Variants in IL1RAPL2 observed in about 807,000 individuals in gnomAD.
The protein encoded by IL1RAPL2 is X-linked interleukin-1 receptor accessory protein-like 2.
IL1RAPL2 carries 3 observed loss-of-function variants against 44.1 expected under a neutral mutation model. That is an observed-to-expected ratio of 0.07 (90% CI 0.03 to 0.18). The LOEUF (loss-of-function observed/expected upper bound fraction) is 0.18, where lower values mean the gene tolerates loss of function less well. Ranked by LOEUF, IL1RAPL2 falls within the 10% of genes least tolerant of loss-of-function variation. The probability of loss-of-function intolerance (pLI) is 1.00; values close to 1 mark genes in which losing one functional copy is unlikely to be tolerated. For synonymous variants in IL1RAPL2, 181 were observed against 178.8 expected (o/e 1.01, Z -0.10); for missense variants, 391 against 496.4 (o/e 0.79, Z 2.02).
intron 2 of IL1RAPL2, among the ~76,000 whole-genome samples, chrX:104,864,087 A>G (rs1922556493): frequency 8.9e-6 from 1 of 111,931 alleles, no homozygotes; most frequent in South Asian, 3.7e-4. Context: ...CATAATACAG[A>G]GGGCATGTGA....
rs529735599 is a variant in IL1RAPL2, at chrX:104,798,351, G to A, written c.82+139356G>A. ...AAGTGCCCTAAGGATCACAAGCATG[G>A]TCCTGTTTACATTTACAAGCTGATA... is the stretch of plus-strand genomic sequence containing the variant. On this transcript the variant is annotated intron_variant, in intron 2 of 10. Transcript: ENST00000372582. 3.9e-4 allele frequency among the ~76,000 whole-genome samples: 43 copies of A among 110,433 alleles called. No individual in the cohort carries two copies. The South Asian group carries it at 0.017, about 44-fold the overall frequency.
chrX:105,233,786 A>G, intron 3 of IL1RAPL2, 32 bp from the exon 4 acceptor site: 1 of 1,141,702 alleles, frequency 8.8e-7, no homozygotes, highest in Non-Finnish European at 1.2e-6. Flanking sequence ...AACACCCAAT[A>G]AAGCCATTTT....
chrX:105,583,608 A>G (rs143206006), intron 6 of IL1RAPL2, among the ~76,000 whole-genome samples: 1,654 of 111,673 alleles, frequency 0.015, 7 homozygotes, highest in Non-Finnish European at 0.023. Flanking sequence ...CTATGTAGTG[A>G]TATCTCCTCT....
At chrX:104,849,867 CTAA>C (rs1922180019) in intron 2 of IL1RAPL2, among the ~76,000 whole-genome samples, 1 of 110,406 alleles carries the variant, frequency 9.1e-6, no homozygotes, top group Admixed American at 9.7e-5. Context: ...GCTCATTTAC[CTAA>C]GCCAATCTAA....
At chrX:104,943,907 G>C (rs1925271045) in intron 2 of IL1RAPL2, among the ~76,000 whole-genome samples, 1 of 111,970 alleles carries the variant, frequency 8.9e-6, no homozygotes, top group Non-Finnish European at 1.9e-5. Context: ...CATAGCACAG[G>C]ATTAGCACTC....
chrX:104,676,493 T>C (rs1460622706), intron 2 of IL1RAPL2, among the ~76,000 whole-genome samples: 1 of 112,105 alleles, frequency 8.9e-6, no homozygotes, highest in Non-Finnish European at 1.9e-5. Flanking sequence ...GGGCTTCCCT[T>C]TGTGGGCAAC....
chrX:105,342,013 C>T (rs766492409), intron 5 of IL1RAPL2, among the ~76,000 whole-genome samples: 34 of 109,255 alleles, frequency 3.1e-4, no homozygotes, highest in Non-Finnish European at 5.9e-4. Flanking sequence ...TTTGCAGGGA[C>T]ATGGATGAAG....
At chrX:104,637,938 A>G (rs1247518674) in intron 1 of IL1RAPL2, among the ~76,000 whole-genome samples, 1 of 111,098 alleles carries the variant, frequency 9.0e-6, no homozygotes, top group African/African-American at 3.3e-5. Flanking sequence ...TTTCAGGATA[A>G]TTGGTGGTTT....
intron 6 of IL1RAPL2, among the ~76,000 whole-genome samples, chrX:105,644,772 C>A (rs74994108): frequency 7.3e-5 from 8 of 109,997 alleles, no homozygotes; most frequent in African/African-American, 2.3e-4. Context: ...CCCATGCCCC[C>A]CCAACAGGCC....
chrX:105,174,467 G>T (rs755526591), intron 2 of IL1RAPL2, among the ~76,000 whole-genome samples: 1 of 111,607 alleles, frequency 9.0e-6, no homozygotes, highest in African/African-American at 3.3e-5. Context: ...AGGGAGGGTG[G>T]ATGAAGATTG....
intron 5 of IL1RAPL2, among the ~76,000 whole-genome samples, chrX:105,351,421 A>G (rs1379707405): frequency 8.9e-6 from 1 of 112,047 alleles, no homozygotes; most frequent in Admixed American, 9.5e-5. Flanking sequence ...AAAATGTGGC[A>G]CATATACACC....
intron 2 of IL1RAPL2, among the ~76,000 whole-genome samples, chrX:104,761,378 C>G (rs909804021): frequency 1.8e-5 from 2 of 110,763 alleles, no homozygotes; most frequent in African/African-American, 3.3e-5. Flanking sequence ...ATGGGGGTAA[C>G]AGCCCCCATG....
intron 2 of IL1RAPL2, among the ~76,000 whole-genome samples, chrX:105,125,236 A>G (rs1422014834): frequency 9.0e-6 from 1 of 111,058 alleles, no homozygotes; most frequent in African/African-American, 3.3e-5. Context: ...TTTCTACCAC[A>G]TATATTCCCA....
intron 2 of IL1RAPL2, among the ~76,000 whole-genome samples, chrX:104,928,597 C>A (rs759765329): frequency 1.8e-5 from 2 of 111,329 alleles, no homozygotes; most frequent in East Asian, 2.8e-4. Context: ...AGGGTATAAG[C>A]AAAATTGATG....
chrX:105,236,415 T>C (rs1182459285), intron 4 of IL1RAPL2, among the ~76,000 whole-genome samples: 2 of 112,510 alleles, frequency 1.8e-5, no homozygotes, highest in Non-Finnish European at 3.7e-5. Flanking sequence ...TTAGCTAACA[T>C]TTCCTAAGTA....
At position 105,047,759 on chromosome X, in the gene IL1RAPL2, G is replaced by A. The variant is rs1015839406; in HGVS notation, c.83-147716G>A. On this transcript the variant is annotated intron_variant, in intron 2 of 10. Transcript: ENST00000372582. Reference sequence around the variant, plus strand: ...GATTCAATATTCATACCTTTGAAAAGAGATATAATGTGATGAAAAATAGAG... The same window carrying A: ...GATTCAATATTCATACCTTTGAAAAAAGATATAATGTGATGAAAAATAGAG... Among the ~76,000 whole-genome samples the A allele has an allele frequency of 2.7e-5, 3 of 111,772 alleles. No individual in the cohort carries two copies. In the Admixed American group the frequency reaches 2.9e-4, roughly 11 times the overall value.
Position 104,702,241 on chromosome X carries a change from A to G in IL1RAPL2, c.82+43246A>G, listed in dbSNP as rs192817609. ...ATGTATGTTTGTTTTGTCACATTATATAAATTGAATTGTCTTCATGATGTC... is the reference window on the plus strand; with the variant it reads ...ATGTATGTTTGTTTTGTCACATTATGTAAATTGAATTGTCTTCATGATGTC... On this transcript the variant is annotated intron_variant, in intron 2 of 10. Coordinates refer to ENST00000372582, the MANE Select transcript of IL1RAPL2 (RefSeq NM_017416.2). Among the ~76,000 whole-genome samples, 436 of 111,652 alleles carry G rather than the reference A, an allele frequency of 3.9e-3. 7 individuals carry two copies. Among genetic ancestry groups the G allele is most frequent in the African/African-American group, 0.013 (406 of 30,786 alleles).
chrX:105,125,337 A>G (rs987663456), intron 2 of IL1RAPL2, among the ~76,000 whole-genome samples: 1 of 110,790 alleles, frequency 9.0e-6, no homozygotes, highest in Admixed American at 9.6e-5. Flanking sequence ...CTTGAAAAAA[A>G]CTTAATGTTT....
chrX:105,252,822 G>C (rs2034281355), intron 4 of IL1RAPL2, among the ~76,000 whole-genome samples: 1 of 111,575 alleles, frequency 9.0e-6, no homozygotes, highest in Admixed American at 9.5e-5. Flanking sequence ...TTATGAGATA[G>C]GCTACACGGT....
Sources: allele counts gnomAD v4.1 joint callset (sites outside exome capture counted in the v4.1 genomes callset), GRCh38; gene constraint gnomAD v4.1.1; transcripts MANE v1.5; gene names NCBI Gene and HGNC (gene_info 2026-07-23, HGNC 2026-07-21).